RBFOX2: variants seen among roughly 807,000 people sequenced by gnomAD.
RBFOX2 encodes RNA binding protein fox-1 homolog 2.
A neutral mutation model predicts 49.1 loss-of-function variants in RBFOX2; 10 were observed. The observed-to-expected ratio is 0.20, with a 90% CI of 0.13 to 0.35. RBFOX2 has a LOEUF of 0.35. RBFOX2 is among the 10% of genes least tolerant of loss of function. The probability of loss-of-function intolerance (pLI) is 1.00; values close to 1 mark genes in which losing one functional copy is unlikely to be tolerated. For synonymous variants in RBFOX2, 183 were observed against 187.4 expected, an observed-to-expected ratio of 0.98 and a Z score of 0.19; for missense variants, 323 against 486.9, an observed-to-expected ratio of 0.66 and a Z score of 3.17.
At chr22:35,797,617 G>A (rs1020778718) in intron 2 of RBFOX2, among the ~76,000 whole-genome samples, 5 of 152,136 alleles carry the variant, frequency 3.3e-5, no homozygotes, top group Admixed American at 1.3e-4. Context: ...TTGGTGCCAC[G>A]GCCTTGATTC....
At chr22:36,023,780 T>C (rs560504062) in intron 1 of RBFOX2, among the ~76,000 whole-genome samples, 1 of 152,314 alleles carries the variant, frequency 6.6e-6, no homozygotes, top group Admixed American at 6.5e-5. Flanking sequence ...TTCTGTACTC[T>C]TTCCAGGGCT....
intron 1 of RBFOX2, among the ~76,000 whole-genome samples, chr22:36,007,803 A>G (rs981934553): frequency 6.6e-6 from 1 of 152,158 alleles, no homozygotes; most frequent in African/African-American, 2.4e-5. Flanking sequence ...GATTTTCACA[A>G]TTGATATATT....
At chr22:35,915,632 T>G (rs755651028) in intron 1 of RBFOX2, among the ~76,000 whole-genome samples, 1 of 152,078 alleles carries the variant, frequency 6.6e-6, no homozygotes, top group Non-Finnish European at 1.5e-5. Flanking sequence ...TAAACCAGGG[T>G]GAGGGATGAA....
chr22:36,027,983 C>T (rs1054531353), intron 1 of RBFOX2, among the ~76,000 whole-genome samples: 1 of 152,070 alleles, frequency 6.6e-6, no homozygotes, highest in African/African-American at 2.4e-5. Flanking sequence ...TGTTCGATTT[C>T]CCCCCAAAAC....
chr22:35,924,983 G>A (rs932117172), intron 1 of RBFOX2, among the ~76,000 whole-genome samples: 1 of 151,852 alleles, frequency 6.6e-6, no homozygotes. Flanking sequence ...AGACCAACTC[G>A]AACTGGCCAA....
At chr22:35,861,340 C>A (rs2043067522) in intron 1 of RBFOX2, among the ~76,000 whole-genome samples, 1 of 152,052 alleles carries the variant, frequency 6.6e-6, no homozygotes, top group Non-Finnish European at 1.5e-5. Flanking sequence ...TCAAAAGACA[C>A]TGTGAGGAGA....
At position 36,008,389 on chromosome 22, in the gene RBFOX2, C is replaced by T. The variant is rs184676740; in HGVS notation, c.186+19851G>A. On this transcript the variant is annotated intron_variant, in intron 1 of 13. Transcript: ENST00000438146. Reference sequence around the variant, plus strand: ...GCTGTTACACAATAAGAGAGGATTACATTAAATATAAATAACCAAAGTGTT... The same window carrying T: ...GCTGTTACACAATAAGAGAGGATTATATTAAATATAAATAACCAAAGTGTT... 1.4e-4 allele frequency among the ~76,000 whole-genome samples: 21 copies of T among 152,242 alleles called. No individual in the cohort carries two copies. The East Asian group carries it at 3.5e-3, about 25-fold the overall frequency.
intron 1 of RBFOX2, among the ~76,000 whole-genome samples, chr22:35,833,925 C>A (rs1178153223): frequency 2.0e-5 from 3 of 152,012 alleles, no homozygotes; most frequent in Non-Finnish European, 4.4e-5. Flanking sequence ...ATATTTTTAT[C>A]ATAGAATAAT....
Position 35,984,718 on chromosome 22 carries a change from T to C in RBFOX2, c.186+43522A>G, listed in dbSNP as rs553864284. On this transcript the variant is annotated intron_variant, in intron 1 of 13. Transcript: ENST00000438146. ...ATCAAAAATAGCTTTTTGTGGCACA[T>C]GAACAAACCCAGCCCGAAAGAAGCA... is the stretch of plus-strand genomic sequence containing the variant. Among the ~76,000 whole-genome samples, 9 of 152,206 alleles carry C rather than the reference T, an allele frequency of 5.9e-5. No homozygotes were observed. In the East Asian group the frequency reaches 1.5e-3, roughly 26 times the overall value.
chr22:35,906,966 C>A (rs1012466326), intron 1 of RBFOX2, among the ~76,000 whole-genome samples: 1 of 152,144 alleles, frequency 6.6e-6, no homozygotes, highest in Non-Finnish European at 1.5e-5. Context: ...TATTATTTAG[C>A]TTTTAAAAAA....
chr22:35,976,943 G>A (rs1281238863), intron 1 of RBFOX2, among the ~76,000 whole-genome samples: 2 of 143,770 alleles, frequency 1.4e-5, no homozygotes, highest in Non-Finnish European at 3.0e-5. Flanking sequence ...CAGCCTGGGC[G>A]ACAGACCGAG....
chr22:35,922,547 G>A (rs937996807), intron 1 of RBFOX2, among the ~76,000 whole-genome samples: 1 of 151,912 alleles, frequency 6.6e-6, no homozygotes, highest in Non-Finnish European at 1.5e-5. Context: ...ACTCCAGACT[G>A]GGTGACAGAG....
At chr22:35,768,832 G>A (rs1941823074) in intron 4 of RBFOX2, among the ~76,000 whole-genome samples, 1 of 152,088 alleles carries the variant, frequency 6.6e-6, no homozygotes, top group African/African-American at 2.4e-5. Context: ...GTTCAACATT[G>A]CATAATGAGA....
exon 12 of RBFOX2, chr22:35,741,391 TCTGA>T (rs1440225282): frequency 2.6e-5 from 4 of 152,382 alleles, no homozygotes; most frequent in African/African-American, 7.2e-5. Flanking sequence ...GCCAGACTCC[TCTGA>T]CTCTCTTTTT....
chr22:35,946,496 T>G (rs1170093746), intron 1 of RBFOX2, among the ~76,000 whole-genome samples: 1 of 152,154 alleles, frequency 6.6e-6, no homozygotes, highest in Non-Finnish European at 1.5e-5. Context: ...TGACATCCAA[T>G]GAGATAATCA....
At chr22:35,897,938 A>G in intron 1 of RBFOX2, 1 of 762,568 alleles carries the variant, frequency 1.3e-6, no homozygotes, top group Non-Finnish European at 2.4e-6. Flanking sequence ...GCTTCCTTGG[A>G]CACCTGAGCA....
intron 1 of RBFOX2, among the ~76,000 whole-genome samples, chr22:35,895,640 T>C (rs1439132312): frequency 1.3e-5 from 2 of 152,158 alleles, no homozygotes; most frequent in East Asian, 3.8e-4. Context: ...AGGAGTCAAG[T>C]GGATCATGAG....
intron 1 of RBFOX2, among the ~76,000 whole-genome samples, chr22:36,017,841 A>G (rs2059100757): frequency 6.6e-6 from 1 of 152,234 alleles, no homozygotes; most frequent in Admixed American, 6.5e-5. Flanking sequence ...ATCTGAACAC[A>G]GGAAACTAAA....
At position 35,761,189 on chromosome 22, in the gene RBFOX2, A is replaced by G; in HGVS notation, c.754+13T>C. The G allele has an allele frequency of 6.2e-7, 1 of 1,611,520 alleles. No individual in the cohort carries two copies. The highest frequency in any genetic ancestry group is 1.1e-5 in the South Asian group (1 of 91,016). On this transcript the variant is annotated intron_variant, in intron 8 of 11. Coordinates refer to ENST00000405409, the Ensembl canonical transcript of RBFOX2. ...CAGTCAAAATCCATGCCAGGCCAAC[A>G]TAGGCTACTTACTGATTAAAGGAAT...
Sources: allele counts gnomAD v4.1 joint callset (sites outside exome capture counted in the v4.1 genomes callset), GRCh38; gene constraint gnomAD v4.1.1; transcripts MANE v1.5; gene names NCBI Gene and HGNC (gene_info 2026-07-23, HGNC 2026-07-21).